Variants in STPG2 observed in about 807,000 individuals in gnomAD.
STPG2 encodes the protein sperm tail PG-rich repeat containing 2.
Under a neutral mutation model 54.2 loss-of-function variants are expected in STPG2, and 56 were observed. The observed-to-expected ratio is 1.03, with a 90% CI of 0.83 to 1.29. The LOEUF (loss-of-function observed/expected upper bound fraction) is 1.29, where lower values mean the gene tolerates loss of function less well. STPG2 is among the 50% of genes most tolerant of loss of function. The probability of loss-of-function intolerance (pLI) is 0.00; values close to 1 mark genes in which losing one functional copy is unlikely to be tolerated. For synonymous variants in STPG2, 200 were observed against 181.8 expected, an observed-to-expected ratio of 1.10 and a Z score of -0.81; for missense variants, 596 against 544.9, an observed-to-expected ratio of 1.09 and a Z score of -0.93.
At chr4:97,602,561 GGATA>G (rs1733492312) in intron 10 of STPG2, among the ~76,000 whole-genome samples, 1 of 151,516 alleles carries the variant, frequency 6.6e-6, no homozygotes, top group South Asian at 2.1e-4. Flanking sequence ...CTATGTTTTT[GGATA>G]GATACTCTTA....
At chr4:97,651,990 T>C (rs1242184304) in intron 10 of STPG2, among the ~76,000 whole-genome samples, 1 of 151,910 alleles carries the variant, frequency 6.6e-6, no homozygotes, top group Non-Finnish European at 1.5e-5. Flanking sequence ...ATATCTTGAG[T>C]GAAATTTTTG....
At chr4:98,098,414 T>G (rs554923043) in intron 5 of STPG2, among the ~76,000 whole-genome samples, 10 of 152,198 alleles carry the variant, frequency 6.6e-5, no homozygotes, top group Middle Eastern at 3.4e-3. Context: ...AAACTGGATA[T>G]CCATATCCAG....
chr4:97,725,631 A>G (rs1232229283), intron 9 of STPG2, among the ~76,000 whole-genome samples: 1 of 151,852 alleles, frequency 6.6e-6, no homozygotes. Context: ...AGGCAGAGAG[A>G]GAGAAAAAAT....
At chr4:97,892,814 A>G (rs9307215) in intron 8 of STPG2, among the ~76,000 whole-genome samples, 103,094 of 151,968 alleles carry the variant, frequency 0.68, 36,478 homozygotes, top group African/African-American at 0.9. Context: ...AGGCACTAGC[A>G]GCTGTCACCT....
chr4:97,576,090 C>T (rs1265993769), intron 10 of STPG2, among the ~76,000 whole-genome samples: 1 of 151,888 alleles, frequency 6.6e-6, no homozygotes, highest in East Asian at 1.9e-4. Flanking sequence ...AACTACAAAA[C>T]ACTGCTGAAA....
chr4:97,600,732 G>A (rs1733436518), intron 10 of STPG2, among the ~76,000 whole-genome samples: 1 of 152,020 alleles, frequency 6.6e-6, no homozygotes, highest in African/African-American at 2.4e-5. Flanking sequence ...ATGCATAGTG[G>A]GGGAAAGTTC....
At chr4:98,064,640 T>C (rs976607331) in intron 5 of STPG2, among the ~76,000 whole-genome samples, 4 of 152,174 alleles carry the variant, frequency 2.6e-5, no homozygotes, top group Non-Finnish European at 4.4e-5. Flanking sequence ...CATGAGGCAT[T>C]CTCTACTGGG....
intron 5 of STPG2, among the ~76,000 whole-genome samples, chr4:98,071,799 T>C (rs1738012693): frequency 6.6e-6 from 1 of 151,936 alleles, no homozygotes; most frequent in Non-Finnish European, 1.5e-5. Flanking sequence ...AACAAACATA[T>C]GAAAAAAAGC....
In STPG2 at chr4:98,122,053, T is replaced by A. The variant is rs1431585205; in HGVS notation, c.387+6375A>T. Among the ~76,000 whole-genome samples the A allele has an allele frequency of 3.3e-5, 5 of 152,154 alleles. No homozygotes were observed. In the East Asian group the frequency reaches 9.7e-4, roughly 30 times the overall value. On this transcript the variant is annotated intron_variant, in intron 3 of 10. Coordinates refer to ENST00000295268, the MANE Select transcript of STPG2 (RefSeq NM_174952.3). ...GTGATTTTTGCACACTGATTTTGCA[T>A]CCTGAGATTTTGCTAAAGTTGCTTA... is the stretch of plus-strand genomic sequence containing the variant.
At chr4:97,568,650 TA>T (rs1366463167) in intron 10 of STPG2, among the ~76,000 whole-genome samples, 6 of 151,592 alleles carry the variant, frequency 4.0e-5, no homozygotes, top group Non-Finnish European at 8.8e-5. Context: ...TAATAATAAT[TA>T]AAAAAAACAG....
intron 10 of STPG2, among the ~76,000 whole-genome samples, chr4:97,700,242 G>A (rs1431423607): frequency 1.3e-5 from 2 of 152,130 alleles, no homozygotes; most frequent in African/African-American, 4.8e-5. Flanking sequence ...TGAGTCATAT[G>A]GCCCCAGTGG....
chr4:98,080,702 G>C (rs970416884), intron 5 of STPG2, among the ~76,000 whole-genome samples: 5 of 152,112 alleles, frequency 3.3e-5, no homozygotes, highest in Admixed American at 1.3e-4. Flanking sequence ...AAAAGGTGAA[G>C]TGCCAAGTTC....
intron 10 of STPG2, among the ~76,000 whole-genome samples, chr4:97,664,771 C>T (rs1476559231): frequency 6.6e-6 from 1 of 152,068 alleles, no homozygotes; most frequent in African/African-American, 2.4e-5. Flanking sequence ...AGCCAGAAAC[C>T]TCTGTGGCCA....
chr4:97,652,998 A>G (rs1164120695), intron 10 of STPG2, among the ~76,000 whole-genome samples: 1 of 151,968 alleles, frequency 6.6e-6, no homozygotes, highest in Non-Finnish European at 1.5e-5. Context: ...TTTCAACAGT[A>G]GGAGTTAAAT....
intron 9 of STPG2, among the ~76,000 whole-genome samples, chr4:97,827,681 A>G (rs1349045997): frequency 6.6e-6 from 1 of 152,218 alleles, no homozygotes; most frequent in Non-Finnish European, 1.5e-5. Flanking sequence ...CATAAGTGCA[A>G]TAAGAATATT....
chr4:97,930,043 C>T (rs1732483781), intron 8 of STPG2, among the ~76,000 whole-genome samples: 1 of 152,074 alleles, frequency 6.6e-6, no homozygotes, highest in African/African-American at 2.4e-5. Context: ...GGACTACAGG[C>T]AAGCACCACC....
chr4:97,724,941 T>A (rs377201025), intron 9 of STPG2, among the ~76,000 whole-genome samples: 1 of 152,112 alleles, frequency 6.6e-6, no homozygotes, highest in African/African-American at 2.4e-5. Context: ...AAGAGTACAG[T>A]ACAGAAATAT....
intron 5 of STPG2, among the ~76,000 whole-genome samples, chr4:98,033,123 ACACAC>A (rs1736651786): frequency 6.6e-6 from 1 of 150,550 alleles, no homozygotes; most frequent in South Asian, 2.2e-4. Context: ...AAACACACAC[ACACAC>A]AAAAAAAACC....
chr4:97,891,784 C>T (rs1474817079), intron 8 of STPG2, among the ~76,000 whole-genome samples: 4 of 152,104 alleles, frequency 2.6e-5, no homozygotes, highest in African/African-American at 4.8e-5. Context: ...TTACCTAAAT[C>T]TCTAAAGGAA....
Sources: gnomAD v4.1 joint callset for allele counts (sites outside exome capture counted in the v4.1 genomes callset) on GRCh38, gnomAD v4.1.1 for gene constraint, MANE v1.5 for transcripts, NCBI Gene and HGNC (gene_info 2026-07-23, HGNC 2026-07-21) for gene names.